The following CAST variants were observed in gnomAD, a reference collection of about 807,000 sequenced individuals.
CAST encodes the protein calpastatin.
CAST carries 76 observed loss-of-function variants against 119.6 expected under a neutral mutation model. That is an observed-to-expected ratio of 0.64 (90% CI 0.53 to 0.77). CAST has a LOEUF of 0.77. Ranked by LOEUF, CAST falls within the 30% of genes least tolerant of loss-of-function variation. The pLI, the probability that CAST is intolerant of heterozygous loss-of-function variation, is 0.00. For synonymous variants in CAST, 319 were observed against 331.6 expected (o/e 0.96, Z 0.41); for missense variants, 953 against 946.5 (o/e 1.01, Z -0.09).
chr5:96,040,371 T>C, the CAST span, among the ~76,000 whole-genome samples: 10 of 152,186 alleles, frequency 6.6e-5, no homozygotes, highest in Admixed American at 6.5e-5. Flanking sequence ...TATTGCTTTC[T>C]TTTGCCTGAC....
the CAST span, among the ~76,000 whole-genome samples, chr5:96,294,095 A>G: frequency 2.0e-5 from 3 of 152,146 alleles, no homozygotes; most frequent in Non-Finnish European, 4.4e-5. Context: ...ATTCTATTCA[A>G]ATATTTATTT....
chr5:96,482,092 T>C, the CAST span, among the ~76,000 whole-genome samples: 1 of 152,148 alleles, frequency 6.6e-6, no homozygotes, highest in East Asian at 1.9e-4. Flanking sequence ...CCTTATGATA[T>C]AATCTCTTTT....
At chr5:96,335,247 G>A in the CAST span, among the ~76,000 whole-genome samples, 1 of 152,164 alleles carries the variant, frequency 6.6e-6, no homozygotes, top group Non-Finnish European at 1.5e-5. Flanking sequence ...TATACTCAGT[G>A]TGACCACTTC....
intron 1 of CAST, among the ~76,000 whole-genome samples, chr5:96,590,674 T>G (rs1746946517): frequency 6.6e-6 from 1 of 152,172 alleles, no homozygotes; most frequent in Admixed American, 6.5e-5. Flanking sequence ...TCAAAGTTCT[T>G]GGGCACAGAC....
At chr5:96,708,029 A>G (rs182717340) in intron 3 of CAST, among the ~76,000 whole-genome samples, 166 of 152,288 alleles carry the variant, frequency 1.1e-3, no homozygotes, top group African/African-American at 3.6e-3. Flanking sequence ...CCTTATTGTG[A>G]ATGTAGGAAA....
chr5:96,212,449 T>C, the CAST span, among the ~76,000 whole-genome samples: 1 of 152,196 alleles, frequency 6.6e-6, no homozygotes, highest in South Asian at 2.1e-4. Context: ...GAACACACTT[T>C]GTATGGTTTC....
chr5:96,662,853 G>A, intron 1 of CAST: 1 of 562,412 alleles, frequency 1.8e-6, no homozygotes, highest in Non-Finnish European at 3.1e-6. Flanking sequence ...ACAGCGGGAT[G>A]TAGTCTTCCG....
Position 96,746,431 on chromosome 5 carries a change from T to G in CAST, c.1284+6T>G, listed in dbSNP as rs141239047. ...ACAGATTAAAACCAGCCACGGTAAA[T>G]TTTTAGCCACAGTGCATGACAACAG... On this transcript the variant is annotated splice_donor_region_variant and intron_variant, in intron 17 of 31. Coordinates refer to ENST00000675179, the MANE Select transcript of CAST (RefSeq NM_001750.7). 171 of 1,560,264 alleles carry G rather than the reference T, an allele frequency of 1.1e-4. No individual in the cohort carries two copies. The African/African-American group carries it at 1.9e-3, about 17-fold the overall frequency.
rs181570283 is a variant in CAST at position 96,590,734 on chromosome 5, T to G, written c.60+60854T>G. Reference sequence around the variant, plus strand: ...TGAGACTGGAAACTGGTTCCTATTCTCCAACTCCTTGCAAAGTTAAATAAG... The same window carrying G: ...TGAGACTGGAAACTGGTTCCTATTCGCCAACTCCTTGCAAAGTTAAATAAG... On this transcript the variant is annotated intron_variant, in intron 1 of 11. Coordinates refer to the CAST transcript ENST00000505143. Among the ~76,000 whole-genome samples the G allele has an allele frequency of 2.3e-3, 348 of 152,326 alleles. 2 individuals are homozygous for G. Among genetic ancestry groups the G allele is most frequent in the African/African-American group, 8.0e-3 (333 of 41,564 alleles).
chr5:96,110,975 T>C, the CAST span: 3 of 152,116 alleles, frequency 2.0e-5, no homozygotes, highest in East Asian at 5.8e-4. Flanking sequence ...CAACTGGGGA[T>C]CAACAATTCA....
the CAST span, among the ~76,000 whole-genome samples, chr5:96,105,195 A>G: frequency 6.6e-6 from 1 of 151,126 alleles, no homozygotes; most frequent in African/African-American, 2.4e-5. Flanking sequence ...GGACAATTTG[A>G]CTTCCTCTTT....
At chr5:96,641,189 G>A (rs1451746961) in intron 1 of CAST, among the ~76,000 whole-genome samples, 2 of 152,090 alleles carry the variant, frequency 1.3e-5, no homozygotes, top group African/African-American at 4.8e-5. Context: ...ATATAGAAAC[G>A]ACTTTGCAAC....
the CAST span, among the ~76,000 whole-genome samples, chr5:96,229,953 GACAGCTGTTT>G: frequency 6.6e-6 from 1 of 152,156 alleles, no homozygotes; most frequent in Non-Finnish European, 1.5e-5. Context: ...CCTGGACGCA[GACAGCTGTTT>G]ATCAGTGACC....
At chr5:96,079,258 T>C in the CAST span, 1 of 369,878 alleles carries the variant, frequency 2.7e-6, no homozygotes, top group Non-Finnish European at 5.5e-6. Context: ...CCACACTCTT[T>C]GTCCTGAGCT....
chr5:96,477,864 A>G, the CAST span, among the ~76,000 whole-genome samples: 1 of 152,196 alleles, frequency 6.6e-6, no homozygotes, highest in South Asian at 2.1e-4. Flanking sequence ...TCATCAAGCA[A>G]ACCTTGGTAA....
the CAST span, among the ~76,000 whole-genome samples, chr5:96,158,467 T>C: frequency 6.6e-6 from 1 of 152,168 alleles, no homozygotes; most frequent in South Asian, 2.1e-4. Flanking sequence ...GAACCAGAGT[T>C]TTTTACTCAC....
At chr5:96,106,490 C>T in the CAST span, among the ~76,000 whole-genome samples, 2 of 151,960 alleles carry the variant, frequency 1.3e-5, no homozygotes, top group Non-Finnish European at 2.9e-5. Flanking sequence ...ACCCAGTAGT[C>T]ATTCAGGAGC....
chr5:96,561,796 G>GTTTTTTTTTTTT (rs11375615), intron 1 of CAST, among the ~76,000 whole-genome samples: 995 of 97,278 alleles, frequency 0.01, 91 homozygotes, highest in East Asian at 0.035. Context: ...GTTTTTTTTT[G>GTTTTTTTTTTTT]TTTTTTTTTT....
chr5:96,553,269 A>G (rs1315209796), intron 1 of CAST, among the ~76,000 whole-genome samples: 1 of 152,268 alleles, frequency 6.6e-6, no homozygotes, highest in African/African-American at 2.4e-5. Flanking sequence ...ATGCAAATCA[A>G]TAGACATAAT....
Sources: gnomAD v4.1 joint callset for allele counts (sites outside exome capture counted in the v4.1 genomes callset) on GRCh38, gnomAD v4.1.1 for gene constraint, MANE v1.5 for transcripts, NCBI Gene and HGNC (gene_info 2026-07-23, HGNC 2026-07-21) for gene names.